Variants in ZDHHC20 observed in about 807,000 individuals in gnomAD.
The protein encoded by ZDHHC20 is zDHHC palmitoyltransferase 20, also known as palmitoyltransferase ZDHHC20.
ZDHHC20 carries 43 observed loss-of-function variants against 57.8 expected under a neutral mutation model. That is an observed-to-expected ratio of 0.74 (90% CI 0.58 to 0.96). The LOEUF is 0.96. Among genes scored for constraint, ZDHHC20 ranks in the 40% least tolerant of loss-of-function variants. The probability of loss-of-function intolerance (pLI) is 0.00; values close to 1 mark genes in which losing one functional copy is unlikely to be tolerated. For missense variants in ZDHHC20, 391 were observed against 441.1 expected (o/e 0.89, Z 1.02); for synonymous variants, 157 against 153.0 (o/e 1.03, Z -0.19).
intron 1 of ZDHHC20, among the ~76,000 whole-genome samples, chr13:21,448,196 G>T (rs1298748454): frequency 1.9e-5 from 2 of 106,564 alleles, no homozygotes; most frequent in East Asian, 2.2e-4. Context: ...GAGGTGGGGG[G>T]GGTCAGCCCC....
At chr13:21,404,426 G>A in intron 4 of ZDHHC20, 1 of 452,968 alleles carries the variant, frequency 2.2e-6, no homozygotes, top group Admixed American at 2.4e-5. Flanking sequence ...ACCCTAATAT[G>A]GAAAAATACA....
chr13:21,391,619 T>C (rs1027786190), intron 8 of ZDHHC20, 103 bp downstream of exon 8: 30 of 1,242,148 alleles, frequency 2.4e-5, no homozygotes, highest in African/African-American at 4.7e-5. Flanking sequence ...AGAGTCAGAA[T>C]TGTCTTACAC....
chr13:21,406,907 T>C (rs1215088408), intron 4 of ZDHHC20, among the ~76,000 whole-genome samples: 2 of 152,172 alleles, frequency 1.3e-5, no homozygotes, highest in Non-Finnish European at 2.9e-5. Flanking sequence ...AGTAATAGGA[T>C]TGCTGGGTCA....
chr13:21,440,493 T>C (rs8001033), intron 1 of ZDHHC20, among the ~76,000 whole-genome samples: 89,997 of 151,582 alleles, frequency 0.59, 27,524 homozygotes, highest in Non-Finnish European at 0.68. Flanking sequence ...CGCCTGTAGT[T>C]CCAGCTACTT....
rs78910749 is a variant in ZDHHC20 at position 21,377,140 on chromosome 13, C to A, written c.*41-485G>T. ...AGCTCCAGCTCTTGGTGGCATGGAC[C>A]TGGCTTACAATCACCGTATGCGGGA... is the stretch of plus-strand genomic sequence containing the variant. On this transcript the variant is annotated intron_variant, in intron 12 of 12. Coordinates refer to ENST00000400590, the MANE Select transcript of ZDHHC20 (RefSeq NM_001330059.2). 7.6e-3 allele frequency: 1,299 copies of A among 171,728 alleles called. 21 individuals carry two copies. Among genetic ancestry groups the A allele is most frequent in the African/African-American group, 0.028 (1,181 of 41,568 alleles). 10.6% of individuals were successfully genotyped at this position (171,728 alleles called of 1,614,324 possible). A position where few individuals can be genotyped will look rare whatever the true frequency, so the allele number is the denominator to read the frequency against.
intron 11 of ZDHHC20, 45 bp from the exon 12 acceptor site, chr13:21,378,783 A>T (rs1329797298): frequency 8.6e-7 from 1 of 1,162,602 alleles, no homozygotes; most frequent in African/African-American, 1.5e-5. Flanking sequence ...AAAAAAAAAA[A>T]AAGAAGTATT....
intron 6 of ZDHHC20, among the ~76,000 whole-genome samples, chr13:21,401,143 G>T (rs1303388899): frequency 6.6e-6 from 1 of 151,966 alleles, no homozygotes; most frequent in Non-Finnish European, 1.5e-5. Context: ...GCCAGGCGTG[G>T]TGGTGCATGC....
intron 6 of ZDHHC20, among the ~76,000 whole-genome samples, chr13:21,401,237 C>A (rs1048823884): frequency 1.3e-5 from 2 of 152,102 alleles, no homozygotes; most frequent in Non-Finnish European, 2.9e-5. Context: ...CAAGATCATG[C>A]CACTGTACTA....
rs1243346684 is a variant in ZDHHC20, at chr13:21,375,974, T to A, written c.*722A>T. The A allele has an allele frequency of 6.6e-6, 1 of 152,180 alleles. No homozygotes were observed. The highest frequency in any genetic ancestry group is 1.5e-5 in the Non-Finnish European group (1 of 68,028). The allele number at this position is 152,180 out of a possible 1,614,324, so 9.4% of individuals were successfully genotyped here. ...TAGCAGAGAGAACCCAAAATATTTC[T>A]TATACTGCCAAGTTCCCTTTAAACC... is the stretch of plus-strand genomic sequence containing the variant. On this transcript the variant is annotated 3_prime_UTR_variant, in exon 13 of 13. Transcript: ENST00000400590.
chr13:21,425,434 A>G (rs1881142690), intron 2 of ZDHHC20, among the ~76,000 whole-genome samples: 1 of 152,180 alleles, frequency 6.6e-6, no homozygotes, highest in Admixed American at 6.5e-5. Context: ...AATAATGTCT[A>G]CTTTAATTTA....
At chr13:21,404,887 T>C (rs769584086) in intron 4 of ZDHHC20, among the ~76,000 whole-genome samples, 2 of 152,152 alleles carry the variant, frequency 1.3e-5, no homozygotes, top group African/African-American at 2.4e-5. Flanking sequence ...AATTAATATA[T>C]ATAACAGGGA....
chr13:21,446,190 T>A (rs1883679487), intron 1 of ZDHHC20, among the ~76,000 whole-genome samples: 1 of 152,210 alleles, frequency 6.6e-6, no homozygotes, highest in Admixed American at 6.5e-5. Context: ...TAATCATGAC[T>A]TGTATTTTTT....
chr13:21,457,888 T>C (rs1885051556), intron 1 of ZDHHC20, among the ~76,000 whole-genome samples: 1 of 152,200 alleles, frequency 6.6e-6, no homozygotes, highest in Non-Finnish European at 1.5e-5. Flanking sequence ...CACTTAACAG[T>C]CCTTCATAAA....
At chr13:21,406,108 G>C (rs1387982991) in intron 4 of ZDHHC20, among the ~76,000 whole-genome samples, 1 of 152,122 alleles carries the variant, frequency 6.6e-6, no homozygotes, top group Non-Finnish European at 1.5e-5. Context: ...CCCAACACTT[G>C]ACCAGTTATT....
intron 3 of ZDHHC20, among the ~76,000 whole-genome samples, chr13:21,414,562 GA>G (rs1176998780): frequency 3.8e-5 from 3 of 78,136 alleles, no homozygotes. Context: ...TAGTAGAGGC[GA>G]GGTTTCACCG....
rs537466283 is a variant in ZDHHC20 at position 21,383,089 on chromosome 13, G to A, written c.855-80C>T. On this transcript the variant is annotated intron_variant, in intron 9 of 12. Coordinates refer to ENST00000400590, the MANE Select transcript of ZDHHC20 (RefSeq NM_001330059.2). Reference sequence around the variant, plus strand: ...TCAAATTTAACACTCATTTTTCAGAGACATGGCATACATTATCATAACTTG... The same window carrying A: ...TCAAATTTAACACTCATTTTTCAGAAACATGGCATACATTATCATAACTTG... 13 of 1,241,756 alleles carry A rather than the reference G, an allele frequency of 1.0e-5. No homozygotes were observed. The African/African-American group carries it at 1.6e-4, about 16-fold the overall frequency. The allele number at this position is 1,241,756 out of a possible 1,614,324, so 76.9% of individuals were successfully genotyped here. A position where few individuals can be genotyped will look rare whatever the true frequency, so the allele number is the denominator to read the frequency against.
intron 7 of ZDHHC20, among the ~76,000 whole-genome samples, chr13:21,399,659 T>C (rs556139861): frequency 1.9e-4 from 29 of 152,246 alleles, no homozygotes; most frequent in African/African-American, 7.0e-4. Context: ...CTAAGTGCCC[T>C]CCCCAGAGGC....
intron 1 of ZDHHC20, among the ~76,000 whole-genome samples, chr13:21,438,649 A>T (rs949675906): frequency 6.6e-6 from 1 of 152,248 alleles, no homozygotes. Context: ...CATTTAGAAT[A>T]TTACATAAAC....
intron 1 of ZDHHC20, among the ~76,000 whole-genome samples, chr13:21,443,143 T>C (rs1390139256): frequency 6.6e-6 from 1 of 152,250 alleles, no homozygotes; most frequent in Non-Finnish European, 1.5e-5. Context: ...TTCCAGCTAT[T>C]TCCTTCTTTC....
Sources: gnomAD v4.1 joint callset for allele counts (sites outside exome capture counted in the v4.1 genomes callset) on GRCh38, gnomAD v4.1.1 for gene constraint, MANE v1.5 for transcripts, NCBI Gene and HGNC (gene_info 2026-07-23, HGNC 2026-07-21) for gene names.